CNIH3: variants seen among roughly 807,000 people sequenced by gnomAD.
The protein encoded by CNIH3 is cornichon family AMPA receptor auxiliary protein 3, also known as protein cornichon homolog 3.
CNIH3 carries 14 observed loss-of-function variants against 24.1 expected under a neutral mutation model. The ratio of observed to expected loss-of-function variants is 0.58; its 90% CI spans 0.38 to 0.91. The LOEUF is 0.91. Ranked by LOEUF, CNIH3 falls within the 40% of genes least tolerant of loss-of-function variation. The pLI, the probability that CNIH3 is intolerant of heterozygous loss-of-function variation, is 0.00. For missense variants in CNIH3, 178 were observed against 196.8 expected, an observed-to-expected ratio of 0.90 and a Z score of 0.57; for synonymous variants, 68 against 73.8, an observed-to-expected ratio of 0.92 and a Z score of 0.40.
intron 3 of CNIH3, among the ~76,000 whole-genome samples, chr1:224,690,480 C>T (rs1008265730): frequency 1.3e-5 from 2 of 152,144 alleles, no homozygotes; most frequent in South Asian, 4.2e-4. Flanking sequence ...GGATTACAAG[C>T]GTGATTACAG....
intron 1 of CNIH3, among the ~76,000 whole-genome samples, chr1:224,645,584 G>A (rs1684567829): frequency 6.6e-6 from 1 of 152,228 alleles, no homozygotes; most frequent in Admixed American, 6.5e-5. Flanking sequence ...AAAATATGGT[G>A]GGTGGTGAGG....
chr1:224,678,125 G>C (rs1413015693), intron 1 of CNIH3, among the ~76,000 whole-genome samples: 1 of 152,082 alleles, frequency 6.6e-6, no homozygotes, highest in Non-Finnish European at 1.5e-5. Context: ...TTGGGAGATA[G>C]GTCATGTCTC....
chr1:224,551,719 G>A lies in CNIH3; in HGVS notation n.450+4780G>A, dbSNP rs1173252. Among the ~76,000 whole-genome samples, 49 of 151,630 alleles carry A rather than the reference G, an allele frequency of 3.2e-4. No individual in the cohort carries two copies. The East Asian group carries it at 7.0e-3, about 22-fold the overall frequency. On this transcript the variant is annotated intron_variant and non_coding_transcript_variant, in intron 3 of 5. Transcript: ENST00000471578. ...AATTTGATATTAGGAGTAGTATATC[G>A]CCCTTAGATATTATGAATAATACAA...
At chr1:224,461,876 A>G (rs534111553) in intron 1 of CNIH3, among the ~76,000 whole-genome samples, 2 of 152,380 alleles carry the variant, frequency 1.3e-5, no homozygotes, top group East Asian at 3.9e-4. Flanking sequence ...TATTCTGGAC[A>G]TATATAAATG....
At chr1:224,560,914 G>T (rs1289937226) in intron 3 of CNIH3, among the ~76,000 whole-genome samples, 2 of 151,900 alleles carry the variant, frequency 1.3e-5, no homozygotes, top group Non-Finnish European at 2.9e-5. Context: ...CACTGTTTTA[G>T]ATTTTAACCA....
At chr1:224,621,419 T>C (rs1683272429) in intron 1 of CNIH3, among the ~76,000 whole-genome samples, 1 of 152,158 alleles carries the variant, frequency 6.6e-6, no homozygotes, top group Non-Finnish European at 1.5e-5. Flanking sequence ...TGCTTGGGGT[T>C]GACAATAAAT....
chr1:224,716,387 G>A (rs1419846940), intron 3 of CNIH3, among the ~76,000 whole-genome samples: 2 of 152,184 alleles, frequency 1.3e-5, no homozygotes, highest in African/African-American at 4.8e-5. Context: ...CAAGGATGGT[G>A]TCTTACTTCT....
chr1:224,629,388 T>G (rs1201029608), intron 1 of CNIH3, among the ~76,000 whole-genome samples: 1 of 152,116 alleles, frequency 6.6e-6, no homozygotes, highest in Non-Finnish European at 1.5e-5. Flanking sequence ...CCTGACCACC[T>G]TGGGCACATG....
intron 1 of CNIH3, among the ~76,000 whole-genome samples, chr1:224,646,567 A>C (rs942082620): frequency 2.6e-5 from 4 of 152,064 alleles, no homozygotes; most frequent in African/African-American, 9.7e-5. Context: ...CTCCACGCCC[A>C]GCTAATTTTT....
intron 1 of CNIH3, among the ~76,000 whole-genome samples, chr1:224,464,541 G>A (rs1476333153): frequency 6.6e-6 from 1 of 152,040 alleles, no homozygotes; most frequent in Non-Finnish European, 1.5e-5. Context: ...TTTTGCATGT[G>A]GATATCCAAT....
chr1:224,482,630 CT>C (rs1676860081), intron 1 of CNIH3, among the ~76,000 whole-genome samples: 3 of 151,836 alleles, frequency 2.0e-5, no homozygotes, highest in Non-Finnish European at 4.4e-5. Flanking sequence ...ACAAAGTCTT[CT>C]TTACTCTTTC....
chr1:224,625,801 C>A (rs192362927), intron 1 of CNIH3, among the ~76,000 whole-genome samples: 216 of 152,256 alleles, frequency 1.4e-3, no homozygotes, highest in Non-Finnish European at 2.2e-3. Context: ...GTGACTGTAG[C>A]CCAGCAACCC....
intron 1 of CNIH3, among the ~76,000 whole-genome samples, chr1:224,470,159 C>A (rs1163118415): frequency 6.6e-6 from 1 of 151,904 alleles, no homozygotes; most frequent in Non-Finnish European, 1.5e-5. Context: ...GCTGGGATTA[C>A]AGGCACCCGC....
chr1:224,646,006 TTTAA>T (rs1684588072), intron 1 of CNIH3, among the ~76,000 whole-genome samples: 1 of 152,226 alleles, frequency 6.6e-6, no homozygotes, highest in Non-Finnish European at 1.5e-5. Flanking sequence ...TCCAGTTGTA[TTTAA>T]TTATATTCAT....
At chr1:224,614,798 T>G (rs1311398595), upstream of CNIH3, among the ~76,000 whole-genome samples, 1 of 151,692 alleles carries the variant, frequency 6.6e-6, no homozygotes, top group African/African-American at 2.4e-5. Flanking sequence ...AATACAAAGA[T>G]TAGCTGGGCG....
intron 4 of CNIH3, among the ~76,000 whole-genome samples, chr1:224,570,695 T>C (rs1388816399): frequency 6.6e-6 from 1 of 152,208 alleles, no homozygotes; most frequent in Non-Finnish European, 1.5e-5. Context: ...TTAGCCAAAC[T>C]TATCAAACAT....
intron 3 of CNIH3, among the ~76,000 whole-genome samples, chr1:224,602,055 T>C (rs1010344785): frequency 7.9e-5 from 12 of 152,256 alleles, no homozygotes; most frequent in Non-Finnish European, 1.6e-4. Context: ...TTTTGGATAT[T>C]ATTCCTTCCA....
chr1:224,667,733 A>T (rs1460411697), intron 1 of CNIH3, among the ~76,000 whole-genome samples: 1 of 149,848 alleles, frequency 6.7e-6, no homozygotes, highest in Admixed American at 6.7e-5. Flanking sequence ...AAGGGCAGTC[A>T]AGGAGGGCAG....
At chr1:224,722,026 G>A (rs1469563005) in intron 3 of CNIH3, among the ~76,000 whole-genome samples, 3 of 152,004 alleles carry the variant, frequency 2.0e-5, no homozygotes, top group Non-Finnish European at 4.4e-5. Flanking sequence ...GCAAATGCCG[G>A]TTGCCCAGAC....
Sources: allele counts gnomAD v4.1 joint callset (sites outside exome capture counted in the v4.1 genomes callset), GRCh38; gene constraint gnomAD v4.1.1; transcripts MANE v1.5; gene names NCBI Gene and HGNC (gene_info 2026-07-23, HGNC 2026-07-21).